Variants in C14orf132 observed in about 807,000 individuals in gnomAD.
C14orf132 encodes the protein chromosome 14 open reading frame 132.
Under a neutral mutation model 5.8 loss-of-function variants are expected in C14orf132, and 6 were observed. That is an observed-to-expected ratio of 1.03 (90% CI 0.57 to 2.04). C14orf132 has a LOEUF of 2.04. Ranked by LOEUF, C14orf132 falls within the 30% of genes most tolerant of loss-of-function variation. The pLI, the probability that C14orf132 is intolerant of heterozygous loss-of-function variation, is 0.00. For synonymous variants in C14orf132, 51 were observed against 49.8 expected (o/e 1.02, Z -0.10); for missense variants, 125 against 115.8 (o/e 1.08, Z -0.37).
Position 96,091,030 on chromosome 14 carries a change from G to T in C14orf132, c.*4295G>T, listed in dbSNP as rs1218916410. The T allele has an allele frequency of 4.4e-6, 2 of 456,076 alleles. No homozygotes were observed. The allele number at this position is 456,076 out of a possible 1,614,324, so 28.3% of individuals were successfully genotyped here. On this transcript the variant is annotated 3_prime_UTR_variant, in exon 2 of 2. Transcript: ENST00000555004. ...CTCATTTACTTCTCAAATTGCCCCT[G>T]GGGGCAGGAATGAGGATGCAGAGAG...
At chr14:96,051,002 A>T (rs1189947873) in intron 1 of C14orf132, 3 of 394,424 alleles carry the variant, frequency 7.6e-6, no homozygotes, top group Non-Finnish European at 1.3e-5. Flanking sequence ...TGACACTTGA[A>T]TCTAAATCTA....
At chr14:96,058,258 A>G (rs1286622049) in intron 1 of C14orf132, among the ~76,000 whole-genome samples, 8 of 151,942 alleles carry the variant, frequency 5.3e-5, no homozygotes, top group Admixed American at 5.2e-4. Context: ...TTACTCACAA[A>G]CACAACTTGT....
chr14:96,048,317 C>G (rs921819547), intron 1 of C14orf132, among the ~76,000 whole-genome samples: 1 of 152,134 alleles, frequency 6.6e-6, no homozygotes, highest in Non-Finnish European at 1.5e-5. Flanking sequence ...TTTTCACTGG[C>G]CTAAAAGTCC....
At chr14:96,078,424 AG>A in intron 1 of C14orf132, among the ~76,000 whole-genome samples, 1 of 152,200 alleles carries the variant, frequency 6.6e-6, no homozygotes, top group East Asian at 1.9e-4. Flanking sequence ...GAGATAAAAA[AG>A]GCAAAAACCC....
rs1319002997 is a variant in C14orf132 at position 96,091,754 on chromosome 14, C to T, written c.*5019C>T. 6.6e-6 allele frequency: 1 copy of T among 151,958 alleles called. No individual in the cohort carries two copies. Among genetic ancestry groups the T allele is most frequent in the Non-Finnish European group, 1.5e-5 (1 of 68,060 alleles). 9.4% of individuals were successfully genotyped at this position (151,958 alleles called of 1,614,324 possible). A position where few individuals can be genotyped will look rare whatever the true frequency, so the allele number is the denominator to read the frequency against. ...CCCACCCTGGCCCACTCCACAGGCC[C>T]CTGACCATGGTCACTCACGGAGAGG... On this transcript the variant is annotated 3_prime_UTR_variant, in exon 2 of 2. Coordinates refer to ENST00000555004, the MANE Select transcript of C14orf132 (RefSeq NM_001252507.3).
intron 1 of C14orf132, among the ~76,000 whole-genome samples, chr14:96,044,236 C>T (rs75555665): frequency 2.0e-5 from 3 of 152,246 alleles, no homozygotes; most frequent in Non-Finnish European, 2.9e-5. Context: ...TGCAGTGGTG[C>T]GATCATGGTT....
chr14:96,084,156 G>A (rs966652337), intron 1 of C14orf132, among the ~76,000 whole-genome samples: 4 of 152,238 alleles, frequency 2.6e-5, no homozygotes, highest in African/African-American at 9.6e-5. Context: ...GATCCCATTC[G>A]TGGAGTCCAG....
At chr14:96,085,631 G>C (rs1313234584) in intron 1 of C14orf132, among the ~76,000 whole-genome samples, 1 of 152,210 alleles carries the variant, frequency 6.6e-6, no homozygotes, top group African/African-American at 2.4e-5. Context: ...ACCTCTTCTA[G>C]CGTATTTGTT....
chr14:96,054,683 C>CT (rs1566825791), intron 1 of C14orf132, among the ~76,000 whole-genome samples: 1 of 152,110 alleles, frequency 6.6e-6, no homozygotes, highest in African/African-American at 2.4e-5. Context: ...CGCATCATCC[C>CT]TTTTTTTGGG....
intron 1 of C14orf132, among the ~76,000 whole-genome samples, chr14:96,066,846 A>G (rs10138619): frequency 0.21 from 31,910 of 152,214 alleles, 3,844 homozygotes; most frequent in Non-Finnish European, 0.27. Flanking sequence ...AATGTAATAA[A>G]TATTTTGTCA....
chr14:96,076,310 C>G (rs988670500), intron 1 of C14orf132, among the ~76,000 whole-genome samples: 16 of 152,148 alleles, frequency 1.1e-4, no homozygotes, highest in African/African-American at 3.9e-4. Flanking sequence ...TGTGTTTTCT[C>G]CCTTCTTGCT....
chr14:96,051,361 G>C (rs1887020355), intron 1 of C14orf132: 1 of 396,154 alleles, frequency 2.5e-6, no homozygotes, highest in Non-Finnish European at 4.4e-6. Flanking sequence ...CCAAATCCCT[G>C]GGTCCTAGGA....
intron 1 of C14orf132, among the ~76,000 whole-genome samples, chr14:96,044,255 C>T (rs898388566): frequency 2.5e-4 from 38 of 152,334 alleles, no homozygotes; most frequent in African/African-American, 8.9e-4. Context: ...TTCACTGCAG[C>T]CTTAATCTCC....
chr14:96,071,193 A>G (rs1399348474), intron 1 of C14orf132, among the ~76,000 whole-genome samples: 1 of 152,168 alleles, frequency 6.6e-6, no homozygotes, highest in Non-Finnish European at 1.5e-5. Context: ...GATGGCAGGA[A>G]GGAGACGTGC....
intron 1 of C14orf132, among the ~76,000 whole-genome samples, chr14:96,052,700 C>T (rs546028587): frequency 1.7e-4 from 26 of 152,314 alleles, no homozygotes; most frequent in African/African-American, 6.3e-4. Flanking sequence ...CCAAGTCCCC[C>T]ACCCTTGCCC....
In C14orf132 at chr14:96,083,228, A is replaced by T. The variant is rs1313128470; in HGVS notation, c.28-3283A>T. On this transcript the variant is annotated intron_variant, in intron 1 of 1. Transcript: ENST00000555004. ...TTGTCACTTTTTTTGTATGTTAAGG[A>T]TGGGGCTGAGGGGGTTTGTGATGAG... Among the ~76,000 whole-genome samples, 5 of 152,248 alleles carry T rather than the reference A, an allele frequency of 3.3e-5. 1 individual carries two copies. In the South Asian group the frequency reaches 6.2e-4, roughly 19 times the overall value.
chr14:96,085,399 TG>T (rs1399089632), intron 1 of C14orf132, among the ~76,000 whole-genome samples: 12 of 152,198 alleles, frequency 7.9e-5, no homozygotes, highest in African/African-American at 2.2e-4. Flanking sequence ...GGAGAGGGCC[TG>T]GGAAGCCTGG....
intron 1 of C14orf132, among the ~76,000 whole-genome samples, chr14:96,060,926 T>C (rs1033502799): frequency 6.6e-6 from 1 of 152,194 alleles, no homozygotes; most frequent in African/African-American, 2.4e-5. Context: ...GTATTTGCCA[T>C]AGACCTTTGA....
chr14:96,084,832 G>T (rs1471892937), intron 1 of C14orf132, among the ~76,000 whole-genome samples: 1 of 152,160 alleles, frequency 6.6e-6, no homozygotes, highest in African/African-American at 2.4e-5. Context: ...TAGGAATATA[G>T]GTGCCGAGTG....
Sources: gnomAD v4.1 joint callset for allele counts (sites outside exome capture counted in the v4.1 genomes callset) on GRCh38, gnomAD v4.1.1 for gene constraint, MANE v1.5 for transcripts, NCBI Gene and HGNC (gene_info 2026-07-23, HGNC 2026-07-21) for gene names.